Variants in FBXO44 observed in about 807,000 individuals in gnomAD.
The protein encoded by FBXO44 is F-box only protein 44.
In FBXO44, 25 loss-of-function variants were observed where a neutral mutation model predicts 33.5. The ratio of observed to expected loss-of-function variants is 0.75; its 90% confidence interval spans 0.54 to 1.04. The LOEUF is 1.04. Among genes scored for constraint, FBXO44 ranks in the 50% least tolerant of loss-of-function variants. The probability of loss-of-function intolerance (pLI) is 0.00; values close to 1 mark genes in which losing one functional copy is unlikely to be tolerated. For missense variants in FBXO44, 311 were observed against 344.0 expected, an observed-to-expected ratio of 0.90 and a Z score of 0.76; for synonymous variants, 147 against 152.8, an observed-to-expected ratio of 0.96 and a Z score of 0.28.
rs368247259 is a variant in FBXO44, at chr1:11,658,403, G to A, written c.392+10G>A. The A allele has an allele frequency of 2.3e-5, 37 of 1,613,616 alleles. No homozygotes were observed. Among genetic ancestry groups the A allele is most frequent in the African/African-American group, 2.0e-4 (15 of 74,860 alleles). On this transcript the variant is annotated intron_variant, in intron 3 of 5. Transcript: ENST00000251547. ...TCGTTACTTCATATTAGTAAGATCC[G>A]GGGACTTGGGGTAGGGGAAAGCCCA...
intron 5 of FBXO44, 149 bp from the exon 6 acceptor site, chr1:11,660,981 G>T: frequency 1.3e-6 from 1 of 740,998 alleles, no homozygotes; most frequent in Non-Finnish European, 2.2e-6. Context: ...CTCACTCTCT[G>T]GTTTGCGACA....
chr1:11,658,165 C>T, intron 2 of FBXO44, 102 bp from the exon 3 acceptor site: 1 of 1,578,890 alleles, frequency 6.3e-7, no homozygotes, highest in Non-Finnish European at 8.6e-7. Context: ...GGCTTGAGGG[C>T]AGCCGCCAAG....
intron 2 of FBXO44, among the ~76,000 whole-genome samples, chr1:11,657,699 C>CCATT (rs1224172363): frequency 6.6e-6 from 1 of 152,084 alleles, no homozygotes; most frequent in Non-Finnish European, 1.5e-5. Context: ...TGAGATCGAG[C>CCATT]CATTGCACTC....
In FBXO44 at chr1:11,661,267, G is replaced by A. The variant is rs201227423; in HGVS notation, c.762G>A (p.Leu254=). 12 of 1,614,124 alleles carry A rather than the reference G, an allele frequency of 7.4e-6. 1 individual carries two copies. The African/African-American group carries it at 1.1e-4, about 14-fold the overall frequency. ...GCAGCATCACCATCGGGCCCCCGCT[G>A]CCCTGACACCCCCTGAGCCCCCATC... is the stretch of plus-strand genomic sequence containing the variant. ...TNSSITIGPP[L]P Residue 254 remains leucine, a synonymous_variant, in exon 6 of 6, where the codon CTG becomes CTA. Transcript: ENST00000251547. The surrounding 1 kb of genome is among the most constrained non-coding windows in gnomAD (Gnocchi z 4.4).
rs747132811 is a variant in FBXO44, at chr1:11,663,247, C to G, written c.*1974C>G. 5 of 152,280 alleles carry G rather than the reference C, an allele frequency of 3.3e-5. No individual in the cohort carries two copies. Among genetic ancestry groups the G allele is most frequent in the African/African-American group, 4.8e-5 (2 of 41,546 alleles). The allele number at this position is 152,280 out of a possible 1,614,324, so 9.4% of individuals were successfully genotyped here. A position where few individuals can be genotyped will look rare whatever the true frequency, so the allele number is the denominator to read the frequency against. ...TGCTGAGATTACAGGCGTGAGCCAC[C>G]GCGCCCAGCGATTGTTTCTTGAGGC... On this transcript the variant is annotated 3_prime_UTR_variant, in exon 6 of 6. Coordinates refer to ENST00000251547, the MANE Select transcript of FBXO44 (RefSeq NM_033182.7).
chr1:11,658,703 C>T lies in FBXO44; in HGVS notation c.489-33C>T, dbSNP rs565261668. The stretch of plus-strand genomic sequence containing the variant: ...CCACCCCCGCCCTGCCCCCAATCTC[C>T]GAGGCCCTGATGGGCCCTCCCTCTC... On this transcript the variant is annotated intron_variant, in intron 4 of 5. Transcript: ENST00000251547. 2.7e-5 allele frequency: 43 copies of T among 1,612,618 alleles called. No homozygotes were observed. The South Asian group carries it at 3.2e-4, about 12-fold the overall frequency.
rs1640181873 is a variant in FBXO44, at chr1:11,661,380, AAC to A, written c.*108_*109del. Reference sequence around the variant, plus strand: ...GGAGGCCAGGTGTCCCCAGACCTCTAACCCTTGCCCCTAGCAGCCTCTTCTTT... The same window carrying A: ...GGAGGCCAGGTGTCCCCAGACCTCTACCTTGCCCCTAGCAGCCTCTTCTTT... On this transcript the variant is annotated 3_prime_UTR_variant, in exon 6 of 6. Transcript: ENST00000251547. This position sits in a 1 kb window ranked among gnomAD's most constrained non-coding sequence, Gnocchi z 4.4. 13 of 1,518,246 alleles carry A rather than the reference AAC, an allele frequency of 8.6e-6. No individual in the cohort carries two copies. The highest frequency in any genetic ancestry group is 1.2e-5 in the Non-Finnish European group (13 of 1,114,818). 94.0% of individuals were successfully genotyped at this position (1,518,246 alleles called of 1,614,324 possible).
At position 11,655,813 on chromosome 1, in the gene FBXO44, A is replaced by T. The variant is rs771073809; in HGVS notation, c.-23A>T. 8.7e-6 allele frequency: 14 copies of T among 1,610,552 alleles called. No homozygotes were observed. In the East Asian group the frequency reaches 2.9e-4, roughly 33 times the overall value. ...AGCATAGCTTTTCAACAGCTACAGG[A>T]GGGTGTCCAGAAGCCACAAGCCATG... On this transcript the variant is annotated 5_prime_UTR_variant, in exon 2 of 6. Transcript: ENST00000251547.
Position 11,661,362 on chromosome 1 carries a change from A to G in FBXO44, c.*89A>G, listed in dbSNP as rs544413486. The G allele has an allele frequency of 8.3e-6, 13 of 1,573,012 alleles. No individual in the cohort carries two copies. In the African/African-American group the frequency reaches 1.5e-4, roughly 18 times the overall value. On this transcript the variant is annotated 3_prime_UTR_variant, in exon 6 of 6. Transcript: ENST00000251547. The surrounding 1 kb of genome is among the most constrained non-coding windows in gnomAD (Gnocchi z 4.4). ...GGCTTGGGAAGGGGAGGTGGAGGCC[A>G]GGTGTCCCCAGACCTCTAACCCTTG...
intron 3 of FBXO44, 32 bp downstream of exon 3, chr1:11,658,425 C>G (rs758661368): frequency 1.2e-5 from 19 of 1,613,272 alleles, no homozygotes; most frequent in Non-Finnish European, 1.6e-5. Flanking sequence ...TAGGGGAAAG[C>G]CCAAATCAAT....
At chr1:11,657,860 C>T (rs746617470) in intron 2 of FBXO44, among the ~76,000 whole-genome samples, 2 of 152,200 alleles carry the variant, frequency 1.3e-5, no homozygotes, top group Non-Finnish European at 2.9e-5. Flanking sequence ...CATTTTGGCA[C>T]TTTGCCAAAA....
rs116663255 is a variant in FBXO44, at chr1:11,661,850, G to A, written c.*577G>A. On this transcript the variant is annotated 3_prime_UTR_variant, in exon 6 of 6. Transcript: ENST00000251547. This position sits in a 1 kb window ranked among gnomAD's most constrained non-coding sequence, Gnocchi z 4.4. Reference sequence around the variant, plus strand: ...TGGCTTTGGCCCAGAGGCTCAGGCCGGGACTGAGATGGACAGACCCAGGGT... The same window carrying A: ...TGGCTTTGGCCCAGAGGCTCAGGCCAGGACTGAGATGGACAGACCCAGGGT... The A allele has an allele frequency of 3.5e-3, 545 of 154,820 alleles. 4 individuals are homozygous for A. Among genetic ancestry groups the A allele is most frequent in the African/African-American group, 0.012 (514 of 41,600 alleles). The allele number at this position is 154,820 out of a possible 1,614,324, so 9.6% of individuals were successfully genotyped here. A position where few individuals can be genotyped will look rare whatever the true frequency, so the allele number is the denominator to read the frequency against.
At chr1:11,660,278 C>A (rs1050654819) in intron 5 of FBXO44, among the ~76,000 whole-genome samples, 2 of 152,212 alleles carry the variant, frequency 1.3e-5, no homozygotes, top group East Asian at 3.8e-4. Flanking sequence ...TCTCCTGCCT[C>A]AGCCTCCTGA....
intron 5 of FBXO44, among the ~76,000 whole-genome samples, chr1:11,660,811 G>A (rs960348248): frequency 1.5e-4 from 23 of 151,834 alleles, no homozygotes; most frequent in African/African-American, 5.1e-4. Context: ...TTAGAGACAC[G>A]GTCTCACTCT....
chr1:11,660,451 C>T (rs146149086), intron 5 of FBXO44, among the ~76,000 whole-genome samples: 10 of 152,326 alleles, frequency 6.6e-5, no homozygotes, highest in African/African-American at 2.2e-4. Context: ...TGAGCCACCG[C>T]GCCGGGCACT....
intron 1 of FBXO44, 71 bp downstream of exon 1, chr1:11,655,023 T>G (rs1415218550): frequency 6.6e-6 from 1 of 151,980 alleles, no homozygotes; most frequent in African/African-American, 2.4e-5. Context: ...CCGGGAAGGC[T>G]CCTGGGTTCC....
In FBXO44 at chr1:11,661,469, G is replaced by A; in HGVS notation, c.*196G>A. 1 of 716,422 alleles carries A rather than the reference G, an allele frequency of 1.4e-6. No homozygotes were observed. 44.4% of individuals were successfully genotyped at this position (716,422 alleles called of 1,614,324 possible). On this transcript the variant is annotated 3_prime_UTR_variant, in exon 6 of 6. Coordinates refer to ENST00000251547, the MANE Select transcript of FBXO44 (RefSeq NM_033182.7). This position sits in a 1 kb window ranked among gnomAD's most constrained non-coding sequence, Gnocchi z 4.4. ...GGGTCGGGCCAGCTCTCCCCGAAAG[G>A]TCTTGACCTGAATGATGGCCGGGGA...
At chr1:11,657,815 C>G (rs1164637358) in intron 2 of FBXO44, among the ~76,000 whole-genome samples, 2 of 152,130 alleles carry the variant, frequency 1.3e-5, no homozygotes. Context: ...AAAAACTATA[C>G]AATAGAGATA....
intron 2 of FBXO44, among the ~76,000 whole-genome samples, chr1:11,656,871 A>G (rs1250295165): frequency 6.6e-6 from 1 of 152,214 alleles, no homozygotes; most frequent in Non-Finnish European, 1.5e-5. Flanking sequence ...AGTCAGAGCC[A>G]TATTTTGTTG....
Sources: allele counts gnomAD v4.1 joint callset (sites outside exome capture counted in the v4.1 genomes callset), GRCh38; gene constraint gnomAD v4.1.1; non-coding constraint Gnocchi (gnomAD v3.1); transcripts MANE v1.5; gene names NCBI Gene and HGNC (gene_info 2026-07-23, HGNC 2026-07-21).